ROBO2: variants seen among roughly 807,000 people sequenced by gnomAD.
ROBO2 encodes roundabout homolog 2.
A neutral mutation model predicts 160.8 loss-of-function variants in ROBO2; 53 were observed. That is an observed-to-expected ratio of 0.33 (90% confidence interval 0.26 to 0.41). The LOEUF is 0.41. Among genes scored for constraint, ROBO2 ranks in the 10% least tolerant of loss-of-function variants. ROBO2 has a pLI of 1.00. For missense variants in ROBO2, 1,577 were observed against 1,722.4 expected, an observed-to-expected ratio of 0.92 and a Z score of 1.49; for synonymous variants, 664 against 611.7, an observed-to-expected ratio of 1.09 and a Z score of -1.26.
intron 2 of ROBO2, among the ~76,000 whole-genome samples, chr3:75,975,302 A>G (rs545050253): frequency 5.3e-5 from 8 of 151,560 alleles, no homozygotes; most frequent in African/African-American, 1.9e-4. Context: ...GTACTTTTGC[A>G]AGGCCAAATT....
rs994414355 is a variant in ROBO2 at position 76,257,856 on chromosome 3, TG to T, written c.109+320258del. On this transcript the variant is annotated intron_variant, in intron 2 of 26. Transcript: ENST00000487694. The stretch of plus-strand genomic sequence containing the variant: ...TCATAAGTCATCAAATAAAGGGTTA[TG>T]GGGTGGGGGAAAGATAGAACAATGT... Among the ~76,000 whole-genome samples the T allele has an allele frequency of 4.5e-4, 68 of 152,182 alleles. 2 individuals are homozygous for T. Among genetic ancestry groups the T allele is most frequent in the Non-Finnish European group, 2.1e-4 (14 of 68,030 alleles).
At chr3:77,563,082 C>T in intron 10 of ROBO2, 85 bp from the exon 12 acceptor site, 1 of 1,297,222 alleles carries the variant, frequency 7.7e-7, no homozygotes, top group Middle Eastern at 2.6e-4. Context: ...TAGGTCAGGT[C>T]CTTTAGTAGA....
chr3:76,258,188 A>G lies in ROBO2; in HGVS notation c.109+320586A>G, dbSNP rs537604339. On this transcript the variant is annotated intron_variant, in intron 2 of 26. Transcript: ENST00000487694. ...TCCAACATAAAAGTTTCTCCATTTT[A>G]TGGTGTCTTTGTAAGATATATGCAT... Among the ~76,000 whole-genome samples the G allele has an allele frequency of 5.9e-5, 9 of 151,948 alleles. No homozygotes were observed. In the South Asian group the frequency reaches 1.9e-3, roughly 32 times the overall value.
At chr3:76,961,257 A>C (rs1000619958) in intron 2 of ROBO2, among the ~76,000 whole-genome samples, 1 of 151,766 alleles carries the variant, frequency 6.6e-6, no homozygotes, top group African/African-American at 2.4e-5. Flanking sequence ...GAAAAAAAAA[A>C]AAAAAAAAAA....
intron 2 of ROBO2, among the ~76,000 whole-genome samples, chr3:77,202,786 C>A (rs1456932977): frequency 3.3e-5 from 5 of 152,066 alleles, no homozygotes; most frequent in Non-Finnish European, 7.4e-5. Flanking sequence ...TAGTGCCTAT[C>A]AGGTGCCTCC....
chr3:77,084,135 T>C (rs2149958334), intron 1 of ROBO2, among the ~76,000 whole-genome samples: 1 of 152,244 alleles, frequency 6.6e-6, no homozygotes, highest in Non-Finnish European at 1.5e-5. Context: ...TTTTTTCTGT[T>C]ATTTATAATG....
intron 2 of ROBO2, among the ~76,000 whole-genome samples, chr3:77,252,831 A>AATATAT (rs1553872376): frequency 0.067 from 843 of 12,522 alleles, 87 homozygotes; most frequent in Middle Eastern, 0.2. Context: ...AAAAAAAAAA[A>AATATAT]ATATATATAT....
At chr3:77,516,151 A>G (rs895430335) in intron 5 of ROBO2, among the ~76,000 whole-genome samples, 11 of 151,604 alleles carry the variant, frequency 7.3e-5, no homozygotes, top group Admixed American at 5.3e-4. Context: ...ATTTTTACAC[A>G]TGCTATAATT....
Position 77,200,305 on chromosome 3 carries a change from ATATATATATATATATATT to A in ROBO2, c.388+101967_388+101984del, listed in dbSNP as rs1214209445. Reference sequence around the variant, plus strand: ...TATATATATATATATATATATATATATATATATATATATATATTTTAGTTTCTATAGGTAAAGGGAATA... The same window carrying A: ...TATATATATATATATATATATATATATTAGTTTCTATAGGTAAAGGGAATA... On this transcript the variant is annotated intron_variant, in intron 2 of 25. Coordinates refer to ENST00000461745, the Ensembl canonical transcript of ROBO2. Among the ~76,000 whole-genome samples, 179 of 77,288 alleles carry A rather than the reference ATATATATATATATATATT, an allele frequency of 2.3e-3. 1 individual carries two copies. Among genetic ancestry groups the A allele is most frequent in the Middle Eastern group, 0.015 (2 of 130 alleles). The allele number at this position is 77,288 out of a possible 152,430, so 50.7% of individuals were successfully genotyped here. A position where few individuals can be genotyped will look rare whatever the true frequency, so the allele number is the denominator to read the frequency against.
chr3:76,030,231 A>T (rs2066874077), intron 2 of ROBO2, among the ~76,000 whole-genome samples: 1 of 151,930 alleles, frequency 6.6e-6, no homozygotes, highest in African/African-American at 2.4e-5. Context: ...TTTTCTTGTA[A>T]ATTTGTTTAA....
At chr3:75,948,433 T>G (rs1948405978) in intron 2 of ROBO2, among the ~76,000 whole-genome samples, 1 of 152,088 alleles carries the variant, frequency 6.6e-6, no homozygotes, top group African/African-American at 2.4e-5. Flanking sequence ...TTTTTATTGC[T>G]TCATTATTTA....
intron 2 of ROBO2, among the ~76,000 whole-genome samples, chr3:76,713,808 A>G (rs2093338107): frequency 6.6e-6 from 1 of 152,156 alleles, no homozygotes; most frequent in African/African-American, 2.4e-5. Context: ...TCTCAGTCAT[A>G]ACTATGAAGT....
intron 2 of ROBO2, among the ~76,000 whole-genome samples, chr3:76,639,522 A>C (rs138626963): frequency 6.6e-6 from 1 of 152,158 alleles, no homozygotes; most frequent in African/African-American, 2.4e-5. Context: ...AATTAGTACT[A>C]TGAAACGAGG....
chr3:77,596,661 C>T (rs2094310676), exon 19 of ROBO2: 1 of 1,613,838 alleles, frequency 6.2e-7, no homozygotes, highest in Non-Finnish European at 8.5e-7. Flanking sequence ...CCCAGCTATC[C>T]ATGGCTTGCT....
At chr3:77,169,854 G>T (rs1376600562) in intron 2 of ROBO2, among the ~76,000 whole-genome samples, 1 of 152,130 alleles carries the variant, frequency 6.6e-6, no homozygotes, top group Non-Finnish European at 1.5e-5. Context: ...CCCCACCAAG[G>T]GGGCAGGAGT....
intron 2 of ROBO2, among the ~76,000 whole-genome samples, chr3:76,834,056 T>C (rs1179429741): frequency 1.5e-5 from 2 of 135,000 alleles, no homozygotes; most frequent in African/African-American, 2.8e-5. Flanking sequence ...TTCTCTCCTT[T>C]CTTTCTTTTC....
At chr3:77,196,865 A>G (rs972735861) in intron 2 of ROBO2, among the ~76,000 whole-genome samples, 4 of 152,082 alleles carry the variant, frequency 2.6e-5, no homozygotes, top group African/African-American at 9.7e-5. Flanking sequence ...AGACTCGTTC[A>G]ATGGAAAATT....
intron 2 of ROBO2, among the ~76,000 whole-genome samples, chr3:77,244,783 C>T (rs907105866): frequency 6.0e-5 from 9 of 150,224 alleles, no homozygotes; most frequent in Non-Finnish European, 1.3e-4. Context: ...GAGGCTGAGG[C>T]AGGGGAATCG....
rs188638764 is a variant in ROBO2 at position 77,448,816 on chromosome 3, T to C, written c.389-28598T>C. ...CTGAGCTCTGGGCTTGAGACCAACA[T>C]TAAGCTTTTCCTCAAAAAATCACAT... On this transcript the variant is annotated intron_variant, in intron 2 of 25. Transcript: ENST00000461745. Among the ~76,000 whole-genome samples, 213 of 151,878 alleles carry C rather than the reference T, an allele frequency of 1.4e-3. 2 individuals carry two copies. The highest frequency in any genetic ancestry group is 5.0e-3 in the African/African-American group (209 of 41,448).
Sources: gnomAD v4.1 joint callset for allele counts (sites outside exome capture counted in the v4.1 genomes callset) on GRCh38, gnomAD v4.1.1 for gene constraint, MANE v1.5 for transcripts, NCBI Gene and HGNC (gene_info 2026-07-23, HGNC 2026-07-21) for gene names.